PPEF1: variants seen among roughly 807,000 people sequenced by gnomAD.
The protein encoded by PPEF1 is serine/threonine-protein phosphatase with EF-hands 1.
Under a neutral mutation model 53.3 loss-of-function variants are expected in PPEF1, and 12 were observed. The observed-to-expected ratio is 0.23, with a 90% CI of 0.14 to 0.36. PPEF1 has a LOEUF of 0.36. Ranked by LOEUF, PPEF1 falls within the 10% of genes least tolerant of loss-of-function variation. The pLI is 1.00. For synonymous variants in PPEF1, 165 were observed against 176.7 expected (o/e 0.93, Z 0.52); for missense variants, 334 against 490.4 (o/e 0.68, Z 3.01).
intron 1 of PPEF1, among the ~76,000 whole-genome samples, chrX:18,684,590 C>T (rs1263305419): frequency 1.8e-5 from 2 of 109,064 alleles, no homozygotes; most frequent in African/African-American, 6.7e-5. Flanking sequence ...CTTAACCTAT[C>T]TTGGGATGTG....
At chrX:18,711,208 C>A (rs1279499409) in intron 1 of PPEF1, among the ~76,000 whole-genome samples, 2 of 103,407 alleles carry the variant, frequency 1.9e-5, no homozygotes, top group Non-Finnish European at 3.9e-5. Context: ...TGAAATTACT[C>A]AAAAAACAGA....
intron 6 of PPEF1, among the ~76,000 whole-genome samples, chrX:18,774,112 G>A (rs1338259661): frequency 2.8e-5 from 3 of 109,030 alleles, no homozygotes; most frequent in East Asian, 2.8e-4. Flanking sequence ...TTTTTGAGAC[G>A]GAGTTTCACT....
chrX:18,773,365 A>G (rs1252397348), intron 6 of PPEF1, among the ~76,000 whole-genome samples: 1 of 111,705 alleles, frequency 9.0e-6, no homozygotes, highest in Admixed American at 9.5e-5. Flanking sequence ...CCCGGTATTA[A>G]TATTTCCATT....
chrX:18,744,844 C>T (rs1233122045), intron 3 of PPEF1, among the ~76,000 whole-genome samples: 4 of 106,853 alleles, frequency 3.7e-5, no homozygotes, highest in Non-Finnish European at 7.7e-5. Flanking sequence ...GCTTTAAATA[C>T]ATCATTTCAT....
At chrX:18,748,458 C>T (rs1048266352) in intron 3 of PPEF1, among the ~76,000 whole-genome samples, 6 of 112,306 alleles carry the variant, frequency 5.3e-5, no homozygotes, top group South Asian at 7.3e-4. Context: ...TGTAACAATT[C>T]GGTGTTAATG....
intron 6 of PPEF1, among the ~76,000 whole-genome samples, chrX:18,773,465 G>A (rs1158344109): frequency 2.7e-5 from 3 of 110,765 alleles, no homozygotes; most frequent in Non-Finnish European, 5.7e-5. Context: ...ATATATCTGG[G>A]TTTTGTATTT....
chrX:18,711,116 T>C (rs1022939969), intron 1 of PPEF1, among the ~76,000 whole-genome samples: 3 of 107,051 alleles, frequency 2.8e-5, no homozygotes, highest in East Asian at 2.9e-4. Flanking sequence ...ATGCATGCCA[T>C]GGAATACTAC....
chrX:18,783,632 C>A (rs751658535), intron 8 of PPEF1, among the ~76,000 whole-genome samples: 8 of 109,956 alleles, frequency 7.3e-5, no homozygotes, highest in Non-Finnish European at 1.1e-4. Context: ...GCAGGAGAAT[C>A]GCTTGAACCT....
chrX:18,690,850 G>A (rs1257088377), intron 3 of PPEF1: 1 of 112,379 alleles, frequency 8.9e-6, no homozygotes, highest in Non-Finnish European at 1.9e-5. Flanking sequence ...CATTCCATTG[G>A]CAGGTATTGT....
chrX:18,700,680 G>A (rs996134393), intron 6 of PPEF1, among the ~76,000 whole-genome samples: 2 of 111,746 alleles, frequency 1.8e-5, no homozygotes, highest in Non-Finnish European at 3.8e-5. Flanking sequence ...TTGATATTTG[G>A]AAAATCTCCA....
chrX:18,781,430 C>T (rs749964840), intron 7 of PPEF1, among the ~76,000 whole-genome samples: 9 of 111,066 alleles, frequency 8.1e-5, no homozygotes, highest in Non-Finnish European at 1.7e-4. Context: ...TAGAGGAGAG[C>T]TTGCAAAAGA....
intron 15 of PPEF1, 38 bp downstream of exon 15, chrX:18,825,873 GTA>G: frequency 1.0e-6 from 1 of 983,640 alleles, no homozygotes; most frequent in Non-Finnish European, 1.4e-6. Flanking sequence ...TTTAAAAAGT[GTA>G]TGTGTGTGTG....
At chrX:18,810,163 G>A (rs189419570) in intron 12 of PPEF1, among the ~76,000 whole-genome samples, 2 of 107,976 alleles carry the variant, frequency 1.9e-5, no homozygotes, top group Non-Finnish European at 3.8e-5. Context: ...TTTACAATGT[G>A]GAATTTATGG....
chrX:18,712,202 A>C (rs776510512), intron 1 of PPEF1, among the ~76,000 whole-genome samples: 2 of 112,017 alleles, frequency 1.8e-5, no homozygotes, highest in Non-Finnish European at 3.8e-5. Flanking sequence ...AAAAGAAGCC[A>C]AGTGGAATGT....
At chrX:18,785,620 C>G (rs1258866017) in intron 9 of PPEF1, among the ~76,000 whole-genome samples, 1 of 110,854 alleles carries the variant, frequency 9.0e-6, no homozygotes, top group Admixed American at 9.6e-5. Flanking sequence ...TGGTAGCTCA[C>G]CCCTGTAATT....
upstream of PPEF1, among the ~76,000 whole-genome samples, chrX:18,682,008 C>G (rs1043914385): frequency 8.9e-6 from 1 of 112,207 alleles, no homozygotes; most frequent in African/African-American, 3.2e-5. Context: ...ACCACCTAAG[C>G]GGCTTCAACA....
chrX:18,737,898 T>G (rs12852331), intron 3 of PPEF1, among the ~76,000 whole-genome samples: 1 of 111,625 alleles, frequency 9.0e-6, no homozygotes, highest in Non-Finnish European at 1.9e-5. Context: ...TGTCTCTTTT[T>G]ATCTTTCTTG....
upstream of PPEF1, among the ~76,000 whole-genome samples, chrX:18,706,723 G>A (rs369691895): frequency 4.6e-5 from 5 of 109,355 alleles, no homozygotes; most frequent in African/African-American, 1.7e-4. Flanking sequence ...TCCAGCCTGG[G>A]TAATAGAGCG....
intron 1 of PPEF1, among the ~76,000 whole-genome samples, chrX:18,710,778 C>T (rs1395810415): frequency 9.0e-6 from 1 of 111,232 alleles, no homozygotes; most frequent in Non-Finnish European, 1.9e-5. Context: ...GGAGATTTCT[C>T]AAAGAACTAA....
Sources: allele counts gnomAD v4.1 joint callset (sites outside exome capture counted in the v4.1 genomes callset), GRCh38; gene constraint gnomAD v4.1.1; transcripts MANE v1.5; gene names NCBI Gene and HGNC (gene_info 2026-07-23, HGNC 2026-07-21).